SREBF2: variants seen among roughly 807,000 people sequenced by gnomAD.
SREBF2 encodes sterol regulatory element-binding protein 2.
A neutral mutation model predicts 113.1 loss-of-function variants in SREBF2; 55 were observed. That is an observed-to-expected ratio of 0.49 (90% CI 0.39 to 0.61). The LOEUF is 0.61. Among genes scored for constraint, SREBF2 ranks in the 20% least tolerant of loss-of-function variants. SREBF2 has a pLI of 0.00. For synonymous variants in SREBF2, 593 were observed against 605.7 expected (o/e 0.98, Z 0.31); for missense variants, 1,349 against 1,487.4 (o/e 0.91, Z 1.53).
At chr22:41,836,921 C>G (rs2076781408) in intron 1 of SREBF2, among the ~76,000 whole-genome samples, 1 of 152,106 alleles carries the variant, frequency 6.6e-6, no homozygotes, top group African/African-American at 2.4e-5. Context: ...CTGCTGTGTT[C>G]CAGTCCATTG....
chr22:41,900,036 A>G (rs1332794506), intron 15 of SREBF2: 18 of 1,333,284 alleles, frequency 1.4e-5, no homozygotes. Context: ...AAACTGAGGC[A>G]CACGTTGGAA....
intron 5 of SREBF2, among the ~76,000 whole-genome samples, chr22:41,875,100 T>C (rs1238570729): frequency 1.3e-5 from 2 of 152,242 alleles, no homozygotes; most frequent in Admixed American, 1.3e-4. Context: ...TTAGCCCTGC[T>C]GCAAGCCTGT....
intron 9 of SREBF2, 72 bp downstream of exon 9, chr22:41,878,195 A>G (rs2077215266): frequency 6.3e-7 from 1 of 1,588,560 alleles, no homozygotes; most frequent in Non-Finnish European, 8.6e-7. Flanking sequence ...GTGTCAAAGA[A>G]AGTCCTATGA....
At chr22:41,857,655 A>G (rs1196449424) in intron 1 of SREBF2, among the ~76,000 whole-genome samples, 2 of 152,212 alleles carry the variant, frequency 1.3e-5, no homozygotes, top group African/African-American at 2.4e-5. Flanking sequence ...GTTGCTTAAA[A>G]TATAGGATGC....
chr22:41,835,457 T>A (rs910963888), intron 1 of SREBF2, among the ~76,000 whole-genome samples: 1 of 151,524 alleles, frequency 6.6e-6, no homozygotes, highest in Non-Finnish European at 1.5e-5. Flanking sequence ...ATTACAGGCA[T>A]GCGCCACCAC....
chr22:41,854,942 G>A (rs1317467220), intron 1 of SREBF2, among the ~76,000 whole-genome samples: 3 of 150,654 alleles, frequency 2.0e-5, no homozygotes, highest in East Asian at 1.9e-4. Context: ...TGCCTAGGCC[G>A]ACCTTGAATT....
rs1390202565 is a variant in SREBF2 at position 41,906,035 on chromosome 22, A to G, written c.*375A>G. 2 of 480,444 alleles carry G rather than the reference A, an allele frequency of 4.2e-6. No homozygotes were observed. The highest frequency in any genetic ancestry group is 8.2e-6 in the Non-Finnish European group (2 of 243,502). 29.8% of individuals were successfully genotyped at this position (480,444 alleles called of 1,614,324 possible). A position where few individuals can be genotyped will look rare whatever the true frequency, so the allele number is the denominator to read the frequency against. On this transcript the variant is annotated 3_prime_UTR_variant, in exon 19 of 19. Coordinates refer to ENST00000361204, the MANE Select transcript of SREBF2 (RefSeq NM_004599.4). The stretch of plus-strand genomic sequence containing the variant: ...TTTTATCAGGCTTTCTCTGGGGGAC[A>G]GCAGTCTCTGAGCACCAGGGAGCAG...
In SREBF2 at chr22:41,866,442, C is replaced by T. The variant is rs997055363; in HGVS notation, c.89-389C>T. Among the ~76,000 whole-genome samples the T allele has an allele frequency of 1.9e-4, 29 of 152,256 alleles. No individual in the cohort carries two copies. The East Asian group carries it at 2.9e-3, about 15-fold the overall frequency. The stretch of plus-strand genomic sequence containing the variant: ...CCGTGCACCTATAGTCCCAGCTACT[C>T]AGGAGGCTGAGGCGGGAGAATCGCT... On this transcript the variant is annotated intron_variant, in intron 1 of 18. Coordinates refer to ENST00000361204, the MANE Select transcript of SREBF2 (RefSeq NM_004599.4).
At chr22:41,864,229 T>C (rs1327751343) in intron 1 of SREBF2, among the ~76,000 whole-genome samples, 1 of 55,384 alleles carries the variant, frequency 1.8e-5, no homozygotes, top group African/African-American at 6.9e-5. Context: ...CAAGCATATA[T>C]ATATATATAT....
intron 1 of SREBF2, among the ~76,000 whole-genome samples, chr22:41,856,685 A>G (rs1432431624): frequency 6.6e-6 from 1 of 152,176 alleles, no homozygotes; most frequent in Non-Finnish European, 1.5e-5. Flanking sequence ...GTACTTTTCC[A>G]GGGTGGATGA....
chr22:41,866,827 A>G lies in SREBF2; in HGVS notation c.89-4A>G, dbSNP rs763008652. 2 of 1,614,202 alleles carry G rather than the reference A, an allele frequency of 1.2e-6. No homozygotes were observed. The highest frequency in any genetic ancestry group is 2.2e-5 in the South Asian group (2 of 91,088). ...TAAAATTACTCCTTTTCTTTTGTTCACAGAGATGCTGCAATTTGTCAGTAA... is the reference window on the plus strand; with the variant it reads ...TAAAATTACTCCTTTTCTTTTGTTCGCAGAGATGCTGCAATTTGTCAGTAA... On this transcript the variant is annotated splice_polypyrimidine_tract_variant and splice_region_variant and intron_variant, in intron 1 of 18. Coordinates refer to ENST00000361204, the MANE Select transcript of SREBF2 (RefSeq NM_004599.4).
intron 15 of SREBF2, chr22:41,899,250 C>A: frequency 9.3e-7 from 1 of 1,074,784 alleles, no homozygotes; most frequent in Non-Finnish European, 1.1e-6. Flanking sequence ...CCTCCACCCC[C>A]ACCATCAACC....
At chr22:41,871,220 T>C (rs1177947311) in intron 4 of SREBF2, among the ~76,000 whole-genome samples, 185 bp downstream of exon 4, 1 of 152,202 alleles carries the variant, frequency 6.6e-6, no homozygotes, top group Non-Finnish European at 1.5e-5. Context: ...CAATGTGTGT[T>C]CGATGTGGGA....
At chr22:41,841,250 A>C (rs978996644) in intron 1 of SREBF2, among the ~76,000 whole-genome samples, 2 of 152,230 alleles carry the variant, frequency 1.3e-5, no homozygotes, top group African/African-American at 4.8e-5. Flanking sequence ...GAGATGAAGC[A>C]CAGATCTGCT....
chr22:41,834,449 G>A (rs1198981369), intron 1 of SREBF2: 1 of 152,680 alleles, frequency 6.5e-6, no homozygotes, highest in Non-Finnish European at 1.5e-5. Flanking sequence ...TCACCTTAGA[G>A]AGCTTAGGCA....
chr22:41,875,250 G>T, intron 5 of SREBF2, 87 bp from the exon 6 acceptor site: 1 of 1,102,620 alleles, frequency 9.1e-7, no homozygotes, highest in Non-Finnish European at 1.4e-6. Flanking sequence ...ACAGAGCCAT[G>T]CTGTCATCCC....
rs985066521 is a variant in SREBF2, at chr22:41,906,913, G to C, written c.*1253G>C. 6.6e-6 allele frequency: 1 copy of C among 152,184 alleles called. No homozygotes were observed. Among genetic ancestry groups the C allele is most frequent in the African/African-American group, 2.4e-5 (1 of 41,422 alleles). The allele number at this position is 152,184 out of a possible 1,614,324, so 9.4% of individuals were successfully genotyped here. A position where few individuals can be genotyped will look rare whatever the true frequency, so the allele number is the denominator to read the frequency against. On this transcript the variant is annotated 3_prime_UTR_variant, in exon 19 of 19. Transcript: ENST00000361204. ...CCAGGTGCAGCACCTCCCGGAGACTGTTTCTCCCATGGCCTCCTGAGTGAT... is the reference window on the plus strand; with the variant it reads ...CCAGGTGCAGCACCTCCCGGAGACTCTTTCTCCCATGGCCTCCTGAGTGAT...
At chr22:41,854,945 C>T (rs1197016744) in intron 1 of SREBF2, among the ~76,000 whole-genome samples, 2 of 151,154 alleles carry the variant, frequency 1.3e-5, no homozygotes, top group Non-Finnish European at 2.9e-5. Flanking sequence ...CTAGGCCGAC[C>T]TTGAATTCCT....
chr22:41,843,170 C>T (rs1291356030), intron 1 of SREBF2, among the ~76,000 whole-genome samples: 1 of 152,118 alleles, frequency 6.6e-6, no homozygotes, highest in African/African-American at 2.4e-5. Context: ...TCATCTTGAT[C>T]CCAGATAGAT....
Sources: gnomAD v4.1 joint callset for allele counts (sites outside exome capture counted in the v4.1 genomes callset) on GRCh38, gnomAD v4.1.1 for gene constraint, MANE v1.5 for transcripts, NCBI Gene and HGNC (gene_info 2026-07-23, HGNC 2026-07-21) for gene names.